The following ACADSB variants were observed in gnomAD, a reference collection of about 807,000 sequenced individuals.
ACADSB encodes the protein short/branched chain specific acyl-CoA dehydrogenase, mitochondrial.
Under a neutral mutation model 54.1 loss-of-function variants are expected in ACADSB, and 40 were observed. The observed-to-expected ratio is 0.74, with a 90% CI of 0.57 to 0.96. ACADSB has a LOEUF of 0.96. Among genes scored for constraint, ACADSB ranks in the 40% least tolerant of loss-of-function variants. The pLI is 0.00. For missense variants in ACADSB, 530 were observed against 510.4 expected, an observed-to-expected ratio of 1.04 and a Z score of -0.37; for synonymous variants, 182 against 182.8, an observed-to-expected ratio of 1.00 and a Z score of 0.03.
chr10:123,055,036 A>G lies in ACADSB; in HGVS notation c.*1271A>G, dbSNP rs1215804129. 6.6e-6 allele frequency: 1 copy of G among 152,384 alleles called. No individual in the cohort carries two copies. The highest frequency in any genetic ancestry group is 1.5e-5 in the Non-Finnish European group (1 of 68,168). The allele number at this position is 152,384 out of a possible 1,614,324, so 9.4% of individuals were successfully genotyped here. Reference sequence around the variant, plus strand: ...TGTAGAGTTTGAAAAAGCATATTCAATATTAAAATAGTTTTATATTTGGGA... The same window carrying G: ...TGTAGAGTTTGAAAAAGCATATTCAGTATTAAAATAGTTTTATATTTGGGA... On this transcript the variant is annotated 3_prime_UTR_variant, in exon 11 of 11. Transcript: ENST00000358776.
intron 1 of ACADSB, among the ~76,000 whole-genome samples, chr10:123,010,867 G>A (rs1850025163): frequency 6.6e-6 from 1 of 152,226 alleles, no homozygotes; most frequent in Non-Finnish European, 1.5e-5. Context: ...TCATGTAGGT[G>A]TGGAACAAAT....
At chr10:123,022,514 G>A (rs1850196186) in intron 1 of ACADSB, among the ~76,000 whole-genome samples, 1 of 152,226 alleles carries the variant, frequency 6.6e-6, no homozygotes, top group Admixed American at 6.5e-5. Context: ...TTCCTGGTCT[G>A]GGTAGTGGAG....
Position 123,051,100 on chromosome 10 carries a change from T to G in ACADSB, c.1042T>G (p.Leu348Val), listed in dbSNP as rs1850625846. 6.2e-7 allele frequency: 1 copy of G among 1,607,188 alleles called. No individual in the cohort carries two copies. Among genetic ancestry groups the G allele is most frequent in the Non-Finnish European group, 8.5e-7 (1 of 1,179,130 alleles). Residue 348 changes from leucine (L) to valine (V), a missense_variant, in exon 9 of 11, where the codon TTA becomes GTA. Coordinates refer to ENST00000358776, the MANE Select transcript of ACADSB (RefSeq NM_001609.4). ...GGCCACCCAGCTGGAAGCTGCAAGA[T>G]TACTAACATACAATGCTGCTAGGCT... ...HVATQLEAAR[L>V]LTYNAARLLE...
chr10:123,016,779 T>C (rs996927005), intron 1 of ACADSB, among the ~76,000 whole-genome samples: 2 of 152,160 alleles, frequency 1.3e-5, no homozygotes, highest in Non-Finnish European at 2.9e-5. Flanking sequence ...CTGTGACATA[T>C]GTGTTTTATT....
chr10:123,042,986 T>C, intron 5 of ACADSB, 60 bp from the exon 6 acceptor site: 1 of 1,591,490 alleles, frequency 6.3e-7, no homozygotes, highest in Non-Finnish European at 8.6e-7. Flanking sequence ...ACTTAAACTC[T>C]TCAGAAACAA....
chr10:123,017,635 C>T (rs1269388236), intron 1 of ACADSB, among the ~76,000 whole-genome samples: 6 of 152,194 alleles, frequency 3.9e-5, no homozygotes, highest in African/African-American at 1.2e-4. Flanking sequence ...TTTCTAATGG[C>T]CGGCATTTGC....
chr10:123,053,876 A>G lies in ACADSB; in HGVS notation c.*111A>G. On this transcript the variant is annotated 3_prime_UTR_variant, in exon 11 of 11. Coordinates refer to ENST00000358776, the MANE Select transcript of ACADSB (RefSeq NM_001609.4). Reference sequence around the variant, plus strand: ...GGGAATAAACTTCCACAGCATTCGAATATTTTAATGAAGCCCTTAGTCAGG... The same window carrying G: ...GGGAATAAACTTCCACAGCATTCGAGTATTTTAATGAAGCCCTTAGTCAGG... The G allele has an allele frequency of 9.9e-7, 1 of 1,010,686 alleles. No homozygotes were observed. The allele number at this position is 1,010,686 out of a possible 1,614,324, so 62.6% of individuals were successfully genotyped here. A position where few individuals can be genotyped will look rare whatever the true frequency, so the allele number is the denominator to read the frequency against.
rs572584125 is a variant in ACADSB, at chr10:123,019,577, A to G, written c.42+10506A>G. Among the ~76,000 whole-genome samples the G allele has an allele frequency of 3.9e-4, 60 of 152,332 alleles. No homozygotes were observed. The Middle Eastern group carries it at 0.014, about 35-fold the overall frequency. The stretch of plus-strand genomic sequence containing the variant: ...GGTGATAGTTTTTTATCAGGCTTAC[A>G]AATATGAGAACCCTTTTTTCATGGC... On this transcript the variant is annotated intron_variant, in intron 1 of 10. Transcript: ENST00000358776.
chr10:123,018,219 A>C (rs977511572), intron 1 of ACADSB, among the ~76,000 whole-genome samples: 10 of 152,276 alleles, frequency 6.6e-5, no homozygotes, highest in African/African-American at 2.4e-4. Context: ...ATCTTTTAAA[A>C]TTTCTTTGAA....
chr10:123,048,746 T>A (rs1187136316), intron 8 of ACADSB, among the ~76,000 whole-genome samples: 1 of 152,132 alleles, frequency 6.6e-6, no homozygotes, highest in African/African-American at 2.4e-5. Flanking sequence ...TTATTTATTT[T>A]GAGACAGAGT....
In ACADSB at chr10:123,053,137, A is replaced by G. The variant is rs756295652; in HGVS notation, c.1205A>G (p.Lys402Arg). 1.9e-6 allele frequency: 3 copies of G among 1,613,136 alleles called. No individual in the cohort carries two copies. In the East Asian group the frequency reaches 6.7e-5, roughly 36 times the overall value. Residue 402 changes from lysine (K) to arginine (R), a missense_variant, in exon 10 of 11, where the codon AAA becomes AGA. Coordinates refer to ENST00000358776, the MANE Select transcript of ACADSB (RefSeq NM_001609.4). Reference sequence around the variant, plus strand: ...TACACCAAAGATTACCCTGTGGAGAAATACTTCCGAGATGCAAAGATTGGT... The same window carrying G: ...TACACCAAAGATTACCCTGTGGAGAGATACTTCCGAGATGCAAAGATTGGT... ...VGYTKDYPVE[K>R]YFRDAKIGTI...
rs1210385421 is a variant in ACADSB, at chr10:123,045,156, TATATATATA to T, written c.900+672_900+680del. Among the ~76,000 whole-genome samples, 90 of 14,072 alleles carry T rather than the reference TATATATATA, an allele frequency of 6.4e-3. 1 individual carries two copies. The highest frequency in any genetic ancestry group is 9.9e-3 in the African/African-American group (34 of 3,436). The allele number at this position is 14,072 out of a possible 152,430, so 9.2% of individuals were successfully genotyped here. ...GTATATATATATATATATATATATA[TATATATATA>T]TATATATTTTTTTTTTTTTTTTTTT... On this transcript the variant is annotated intron_variant, in intron 7 of 10. Coordinates refer to ENST00000358776, the MANE Select transcript of ACADSB (RefSeq NM_001609.4).
rs542787040 is a variant in ACADSB, at chr10:123,052,155, C to T, written c.1129-906C>T. On this transcript the variant is annotated intron_variant, in intron 9 of 10. Transcript: ENST00000358776. The surrounding 1 kb of genome is among the most constrained non-coding windows in gnomAD (Gnocchi z 4.2). ...AATGGAGCTCTATCTGTACTAGATTCCAATTGCTGCTATAACAAATTACCA... is the reference window on the plus strand; with the variant it reads ...AATGGAGCTCTATCTGTACTAGATTTCAATTGCTGCTATAACAAATTACCA... Among the ~76,000 whole-genome samples, 2 of 152,228 alleles carry T rather than the reference C, an allele frequency of 1.3e-5. No individual in the cohort carries two copies. The highest frequency in any genetic ancestry group is 3.9e-4 in the East Asian group (2 of 5,182).
chr10:123,049,405 C>T (rs1302065718), intron 8 of ACADSB, among the ~76,000 whole-genome samples: 1 of 152,176 alleles, frequency 6.6e-6, no homozygotes, highest in Non-Finnish European at 1.5e-5. Flanking sequence ...ATGGTGAGTT[C>T]TTGTAGAGGA....
At chr10:123,053,247 AG>A in intron 10 of ACADSB, 87 bp downstream of exon 10, 1 of 1,101,870 alleles carries the variant, frequency 9.1e-7, no homozygotes. Flanking sequence ...TTTTTTTCCT[AG>A]GTAAAAGCAA....
At chr10:123,035,393 T>C (rs541117549) in intron 2 of ACADSB, among the ~76,000 whole-genome samples, 41 of 152,350 alleles carry the variant, frequency 2.7e-4, no homozygotes, top group African/African-American at 8.9e-4. Flanking sequence ...ATTCATTTAT[T>C]TATGGGTATA....
chr10:123,019,935 G>A (rs1388973868), intron 1 of ACADSB, among the ~76,000 whole-genome samples: 3 of 152,118 alleles, frequency 2.0e-5, no homozygotes, highest in Non-Finnish European at 4.4e-5. Flanking sequence ...AAGAATATTA[G>A]ATAAATAGAA....
Position 123,056,313 on chromosome 10 carries a change from G to A in ACADSB, c.*2548G>A, listed in dbSNP as rs545467732. ...CATGGCGGGAGGTGAAAAGCACTTCGTACATGGTGGTGGCAAGAGAAAATG... is the reference window on the plus strand; with the variant it reads ...CATGGCGGGAGGTGAAAAGCACTTCATACATGGTGGTGGCAAGAGAAAATG... On this transcript the variant is annotated 3_prime_UTR_variant, in exon 11 of 11. Transcript: ENST00000358776. 4.9e-5 allele frequency: 12 copies of A among 242,868 alleles called. 1 individual carries two copies. The highest frequency in any genetic ancestry group is 4.6e-4 in the South Asian group (9 of 19,594). 15.0% of individuals were successfully genotyped at this position (242,868 alleles called of 1,614,324 possible). A position where few individuals can be genotyped will look rare whatever the true frequency, so the allele number is the denominator to read the frequency against.
intron 1 of ACADSB, among the ~76,000 whole-genome samples, chr10:123,026,255 G>A (rs1413297051): frequency 6.6e-6 from 1 of 152,160 alleles, no homozygotes; most frequent in Non-Finnish European, 1.5e-5. Flanking sequence ...AGTAGCCACA[G>A]GGAAAAACAT....
Sources: gnomAD v4.1 joint callset for allele counts (sites outside exome capture counted in the v4.1 genomes callset) on GRCh38, gnomAD v4.1.1 for gene constraint, Gnocchi (gnomAD v3.1) non-coding constraint, MANE v1.5 for transcripts, NCBI Gene and HGNC (gene_info 2026-07-23, HGNC 2026-07-21) for gene names.